The following SMYD4 variants were observed in gnomAD, a reference collection of about 807,000 sequenced individuals.
SMYD4 encodes the protein protein-lysine N-methyltransferase SMYD4.
SMYD4 carries 68 observed loss-of-function variants against 72.8 expected under a neutral mutation model. The observed-to-expected ratio is 0.93, with a 90% CI of 0.77 to 1.14. The LOEUF is 1.14. Ranked by LOEUF, SMYD4 falls within the 50% of genes most tolerant of loss-of-function variation. SMYD4 has a pLI of 0.00. For synonymous variants in SMYD4, 407 were observed against 388.6 expected (o/e 1.05, Z -0.56); for missense variants, 984 against 1,003.7 (o/e 0.98, Z 0.27).
At chr17:1,804,913 A>T (rs529388338) in intron 3 of SMYD4, among the ~76,000 whole-genome samples, 198 bp from the exon 4 acceptor site, 1 of 152,280 alleles carries the variant, frequency 6.6e-6, no homozygotes, top group Admixed American at 6.5e-5. Flanking sequence ...TATTAAAAGC[A>T]CTTTGTCAGA....
At chr17:1,788,622 G>A (rs1425866989) in intron 5 of SMYD4, among the ~76,000 whole-genome samples, 2 of 151,960 alleles carry the variant, frequency 1.3e-5, no homozygotes, top group East Asian at 1.9e-4. Flanking sequence ...GTACGTGCCT[G>A]TAGTCCCAGC....
chr17:1,783,420 C>T lies in SMYD4; in HGVS notation c.2077G>A (p.Ala693Thr), dbSNP rs752846964. 6.2e-7 allele frequency: 1 copy of T among 1,612,934 alleles called. No individual in the cohort carries two copies. The highest frequency in any genetic ancestry group is 1.7e-5 in the Admixed American group (1 of 60,004). The change falls in exon 9 of 11, where the codon GCA (alanine) becomes ACA (threonine). Residue 693 changes from alanine to threonine, a missense_variant. Coordinates refer to ENST00000305513, the MANE Select transcript of SMYD4 (RefSeq NM_052928.3). ...ATCTCTCCCACCACGGCGTGCTCTG[C>T]CCACAGGAAGCTCTCGGCGTCACGC... ...CQRDAESFLW[A>T]EHAVVGEIAD...
At chr17:1,814,401 A>G (rs11656931) in intron 2 of SMYD4, among the ~76,000 whole-genome samples, 101,018 of 152,222 alleles carry the variant, frequency 0.66, 35,026 homozygotes, top group Non-Finnish European at 0.8. Context: ...AACACCTTTC[A>G]CATTGTGACT....
chr17:1,809,380 TA>T (rs904883233), intron 3 of SMYD4, among the ~76,000 whole-genome samples: 6 of 125,078 alleles, frequency 4.8e-5, no homozygotes, highest in South Asian at 2.3e-4. Flanking sequence ...TTATTATTAT[TA>T]TTTTTTTTTT....
At chr17:1,810,510 C>T (rs34361585) in intron 3 of SMYD4, among the ~76,000 whole-genome samples, 27,034 of 151,700 alleles carry the variant, frequency 0.18, 2,479 homozygotes, top group Middle Eastern at 0.21. Context: ...CTGGAACTCC[C>T]GGGCTCAGTG....
At chr17:1,807,809 C>T (rs904711573) in intron 3 of SMYD4, among the ~76,000 whole-genome samples, 9 of 152,132 alleles carry the variant, frequency 5.9e-5, no homozygotes, top group Admixed American at 2.0e-4. Flanking sequence ...TATTTACACA[C>T]GCCTGGAGTA....
At chr17:1,799,586 G>C (rs1909595052) in intron 5 of SMYD4, among the ~76,000 whole-genome samples, 1 of 151,946 alleles carries the variant, frequency 6.6e-6, no homozygotes, top group South Asian at 2.1e-4. Context: ...ATGTTGGCCA[G>C]GATGGTCTTG....
At chr17:1,809,383 T>TA (rs56237050) in intron 3 of SMYD4, among the ~76,000 whole-genome samples, 50,890 of 149,566 alleles carry the variant, frequency 0.34, 10,997 homozygotes, top group Non-Finnish European at 0.5. Context: ...TTATTATTAT[T>TA]TTTTTTTTTG....
Position 1,792,916 on chromosome 17 carries a change from T to C in SMYD4, c.1538-5312A>G, listed in dbSNP as rs370869542. Among the ~76,000 whole-genome samples, 45 of 150,404 alleles carry C rather than the reference T, an allele frequency of 3.0e-4. 2 individuals carry two copies. The South Asian group carries it at 9.3e-3, about 31-fold the overall frequency. ...ACAACCCGGCTTTAGATTTTCATCA[T>C]TATGCATGTTTTTATTTTTATCTTG... On this transcript the variant is annotated intron_variant, in intron 5 of 10. Coordinates refer to ENST00000305513, the MANE Select transcript of SMYD4 (RefSeq NM_052928.3).
chr17:1,783,164 A>C lies in SMYD4; in HGVS notation c.2138-6T>G, dbSNP rs1474613179. 1 of 1,613,918 alleles carries C rather than the reference A, an allele frequency of 6.2e-7. No homozygotes were observed. The highest frequency in any genetic ancestry group is 1.3e-5 in the African/African-American group (1 of 74,910). On this transcript the variant is annotated splice_polypyrimidine_tract_variant and splice_region_variant and intron_variant, in intron 9 of 10. Transcript: ENST00000305513. The stretch of plus-strand genomic sequence containing the variant: ...GGCTGACTTTTGCCAGTCTCCTGTG[A>C]GAAGAGAAAAATCTTGTTCCAGAAA...
chr17:1,827,336 CAAGAAAAAGAAAAA>C (rs1300092023), intron 2 of SMYD4, among the ~76,000 whole-genome samples: 14 of 129,412 alleles, frequency 1.1e-4, no homozygotes, highest in South Asian at 5.0e-4. Context: ...GAGACAGTCT[CAAGAAAAAGAAAAA>C]AAGAAAAAAA....
Position 1,781,006 on chromosome 17 carries a change from G to A in SMYD4, c.*280C>T, listed in dbSNP as rs551238116. On this transcript the variant is annotated 3_prime_UTR_variant, in exon 11 of 11. Transcript: ENST00000305513. Reference sequence around the variant, plus strand: ...GCGATCTCGGCTCACTGCAACCTCCGCCTCCTGGGTTCAAGAGATTCTCCT... The same window carrying A: ...GCGATCTCGGCTCACTGCAACCTCCACCTCCTGGGTTCAAGAGATTCTCCT... 29 of 235,722 alleles carry A rather than the reference G, an allele frequency of 1.2e-4. No homozygotes were observed. The highest frequency in any genetic ancestry group is 1.4e-4 in the African/African-American group (6 of 42,510). 14.6% of individuals were successfully genotyped at this position (235,722 alleles called of 1,614,324 possible). A position where few individuals can be genotyped will look rare whatever the true frequency, so the allele number is the denominator to read the frequency against.
In SMYD4 at chr17:1,800,630, G is replaced by A. The variant is rs1291966292; in HGVS notation, c.764C>T (p.Pro255Leu). The A allele has an allele frequency of 2.5e-6, 4 of 1,614,112 alleles. No homozygotes were observed. Among genetic ancestry groups the A allele is most frequent in the East Asian group, 2.2e-5 (1 of 44,890 alleles). ...ATCCTCCTGCACCAGGAGCTCTCCT[G>A]GGAGAATATCTTTTGTGGCAACGAG... ...RCLVATKDIL[P>L]GELLVQEDAF... The change falls in exon 5 of 11, where the codon CCA becomes CTA. Residue 255 changes from proline (P) to leucine (L), a missense_variant. Pro to Leu is a moderately conservative substitution (Grantham distance 98). Transcript: ENST00000305513.
At chr17:1,781,533 A>G in intron 10 of SMYD4, 94 bp from the exon 11 acceptor site, 1 of 1,397,488 alleles carries the variant, frequency 7.2e-7, no homozygotes, top group Non-Finnish European at 9.7e-7. Flanking sequence ...ATGTAAGATC[A>G]TTTCTGTCAT....
intron 8 of SMYD4, chr17:1,783,731 G>A (rs1337185400): frequency 7.2e-6 from 4 of 553,758 alleles, no homozygotes; most frequent in Admixed American, 7.0e-5. Context: ...TTCCCAACTC[G>A]ACCAACTCTA....
chr17:1,784,557 C>A, intron 7 of SMYD4, 96 bp from the exon 8 acceptor site: 1 of 1,539,570 alleles, frequency 6.5e-7, no homozygotes, highest in South Asian at 1.2e-5. Flanking sequence ...TTTCTTACCT[C>A]ATGGGGGAAA....
In SMYD4 at chr17:1,784,375, T is replaced by C; in HGVS notation, c.1971A>G (p.Leu657=). 2 of 1,614,244 alleles carry C rather than the reference T, an allele frequency of 1.2e-6. No individual in the cohort carries two copies. Among genetic ancestry groups the C allele is most frequent in the Non-Finnish European group, 1.7e-6 (2 of 1,180,038 alleles). Residue 657 remains leucine (L), a synonymous_variant, in exon 8 of 11, where the codon CTA becomes CTG. Transcript: ENST00000305513. ...RDHLVSRLQD[L]QQQVRVAQKL... ...TCTGGGCCACTCTGACCTGCTGCTG[T>C]AGGTCCTGTAACCGAGAGACCAGGT...
intron 2 of SMYD4, among the ~76,000 whole-genome samples, chr17:1,825,575 A>G (rs9893618): frequency 0.059 from 8,818 of 150,156 alleles, 900 homozygotes; most frequent in African/African-American, 0.2. Context: ...GCAGTGGCAC[A>G]ATCATGGCTC....
chr17:1,812,172 T>C, intron 2 of SMYD4, 57 bp from the exon 3 acceptor site: 1 of 1,580,534 alleles, frequency 6.3e-7, no homozygotes, highest in Non-Finnish European at 8.6e-7. Flanking sequence ...CAAGGAAAGC[T>C]CTAAACCATT....
Sources: gnomAD v4.1 joint callset for allele counts (sites outside exome capture counted in the v4.1 genomes callset) on GRCh38, gnomAD v4.1.1 for gene constraint, MANE v1.5 for transcripts, NCBI Gene and HGNC (gene_info 2026-07-23, HGNC 2026-07-21) for gene names.